Variants in CLSTN2 observed in about 807,000 individuals in gnomAD.
CLSTN2 encodes the protein calsyntenin 2.
Under a neutral mutation model 101.2 loss-of-function variants are expected in CLSTN2, and 48 were observed. The ratio of observed to expected loss-of-function variants is 0.47; its 90% CI spans 0.38 to 0.60. CLSTN2 has a LOEUF of 0.60. Among genes scored for constraint, CLSTN2 ranks in the 20% least tolerant of loss-of-function variants. The probability of loss-of-function intolerance (pLI) is 0.00; values close to 1 mark genes in which losing one functional copy is unlikely to be tolerated. For missense variants in CLSTN2, 1,160 were observed against 1,238.2 expected (o/e 0.94, Z 0.95); for synonymous variants, 481 against 463.6 (o/e 1.04, Z -0.48).
Position 140,387,494 on chromosome 3 carries a change from G to T in CLSTN2, c.233-16135G>T, listed in dbSNP as rs111718181. On this transcript the variant is annotated intron_variant, in intron 2 of 16. Transcript: ENST00000458420. ...TGCGATAAATTGCAAAAGCCTGCTT[G>T]TTAATAGTGTTTGTTGTTCCTCCTT... is the stretch of plus-strand genomic sequence containing the variant. Among the ~76,000 whole-genome samples, 140 of 152,320 alleles carry T rather than the reference G, an allele frequency of 9.2e-4. 1 individual carries two copies. The highest frequency in any genetic ancestry group is 3.2e-3 in the African/African-American group (132 of 41,568).
chr3:140,004,134 A>T (rs2006908238), intron 1 of CLSTN2, among the ~76,000 whole-genome samples: 1 of 152,220 alleles, frequency 6.6e-6, no homozygotes, highest in Non-Finnish European at 1.5e-5. Context: ...TTTATACATC[A>T]AGCAATGCCC....
intron 5 of CLSTN2, among the ~76,000 whole-genome samples, chr3:140,447,992 G>T (rs937089217): frequency 2.6e-5 from 4 of 152,078 alleles, no homozygotes; most frequent in Admixed American, 6.6e-5. Flanking sequence ...TAACAAACCT[G>T]CACATGTACA....
At position 140,077,710 on chromosome 3, in the gene CLSTN2, A is replaced by G. The variant is rs1002669623; in HGVS notation, c.110-98241A>G. On this transcript the variant is annotated intron_variant, in intron 1 of 16. Transcript: ENST00000458420. ...GGGGAGGAAAAAAAAAAAACCTCAA[A>G]CCTTATAGTTTGAAAATACTCAAAC... 5.3e-5 allele frequency among the ~76,000 whole-genome samples: 8 copies of G among 151,932 alleles called. No individual in the cohort carries two copies. The South Asian group carries it at 1.0e-3, about 20-fold the overall frequency.
At position 140,054,958 on chromosome 3, in the gene CLSTN2, C is replaced by A. The variant is rs7621423; in HGVS notation, c.109+119475C>A. ...GATTTCCACCCAACTTCTCAGAAAC[C>A]TGACTATTTATGGAATACACCTGGG... On this transcript the variant is annotated intron_variant, in intron 1 of 16. Coordinates refer to ENST00000458420, the MANE Select transcript of CLSTN2 (RefSeq NM_022131.3). Among the ~76,000 whole-genome samples, 623 of 152,266 alleles carry A rather than the reference C, an allele frequency of 4.1e-3. 4 individuals are homozygous for A. Among genetic ancestry groups the A allele is most frequent in the African/African-American group, 0.014 (599 of 41,562 alleles).
At chr3:140,517,034 C>A (rs1934931969) in intron 8 of CLSTN2, among the ~76,000 whole-genome samples, 1 of 152,026 alleles carries the variant, frequency 6.6e-6, no homozygotes, top group African/African-American at 2.4e-5. Context: ...AAAATTCTTT[C>A]TTCTTTGACT....
At chr3:140,450,525 C>T (rs1361560141) in intron 6 of CLSTN2, among the ~76,000 whole-genome samples, 2 of 152,208 alleles carry the variant, frequency 1.3e-5, no homozygotes, top group South Asian at 2.1e-4. Flanking sequence ...TCACACTGGA[C>T]TCTCCAGCCA....
Position 140,564,060 on chromosome 3 carries a change from ACTTCATC to A in CLSTN2, c.2584_2590del (p.Phe862ArgfsTer18). Reference sequence around the variant, plus strand: ...TACCGGGTCCGGATCGCCCACCAGCACTTCATCCAGGAGACTGAGGCTGCCAAGGAAT... The same window carrying A: ...TACCGGGTCCGGATCGCCCACCAGCACAGGAGACTGAGGCTGCCAAGGAAT... On this transcript the variant is annotated frameshift_variant, in exon 16 of 17. Transcript: ENST00000458420. LOFTEE classifies it high-confidence loss of function. The A allele has an allele frequency of 6.2e-7, 1 of 1,614,092 alleles. No homozygotes were observed. Among genetic ancestry groups the A allele is most frequent in the Non-Finnish European group, 8.5e-7 (1 of 1,180,014 alleles).
intron 2 of CLSTN2, among the ~76,000 whole-genome samples, chr3:140,195,538 G>C (rs370848203): frequency 2.0e-5 from 3 of 152,024 alleles, no homozygotes; most frequent in African/African-American, 7.2e-5. Context: ...TAAAAGAATG[G>C]TTATGAGAAA....
chr3:140,141,461 G>T (rs879597812), intron 1 of CLSTN2, among the ~76,000 whole-genome samples: 4 of 152,196 alleles, frequency 2.6e-5, no homozygotes, highest in Non-Finnish European at 4.4e-5. Flanking sequence ...AGGAAGGATG[G>T]CAATGGCTGT....
chr3:140,029,031 G>T, intron 1 of CLSTN2, among the ~76,000 whole-genome samples: 1 of 152,204 alleles, frequency 6.6e-6, no homozygotes, highest in Non-Finnish European at 1.5e-5. Context: ...GCATGGAGTA[G>T]GTTATGCAGA....
At chr3:140,500,384 AG>A (rs1435948641) in intron 8 of CLSTN2, among the ~76,000 whole-genome samples, 1 of 152,194 alleles carries the variant, frequency 6.6e-6, no homozygotes, top group Non-Finnish European at 1.5e-5. Flanking sequence ...AATATCTGTG[AG>A]GGAAGGACAA....
chr3:140,201,900 G>A (rs75519418), intron 2 of CLSTN2, among the ~76,000 whole-genome samples: 2,035 of 152,250 alleles, frequency 0.013, 113 homozygotes, highest in Admixed American at 0.1. Context: ...ACACAGAAGA[G>A]GAGGAAAGGG....
chr3:140,064,796 T>C (rs560151552), intron 1 of CLSTN2, among the ~76,000 whole-genome samples: 1 of 152,178 alleles, frequency 6.6e-6, no homozygotes, highest in Non-Finnish European at 1.5e-5. Context: ...AAGAAACCAG[T>C]AGACATTCTT....
intron 1 of CLSTN2, among the ~76,000 whole-genome samples, chr3:140,113,142 C>T (rs2009182798): frequency 6.6e-6 from 1 of 152,178 alleles, no homozygotes; most frequent in Non-Finnish European, 1.5e-5. Context: ...TGGAATTTTA[C>T]ACCATGGAAA....
intron 5 of CLSTN2, among the ~76,000 whole-genome samples, chr3:140,443,820 G>C (rs560560880): frequency 6.6e-6 from 1 of 152,158 alleles, no homozygotes; most frequent in Non-Finnish European, 1.5e-5. Context: ...AAGCCCACGA[G>C]GGGATATAAT....
At position 140,081,171 on chromosome 3, in the gene CLSTN2, G is replaced by A. The variant is rs77962248; in HGVS notation, c.110-94780G>A. 1.7e-3 allele frequency among the ~76,000 whole-genome samples: 262 copies of A among 152,262 alleles called. 1 individual carries two copies. Among genetic ancestry groups the A allele is most frequent in the African/African-American group, 6.1e-3 (253 of 41,546 alleles). ...TCTCTGCAAGAAAACAGATATTCACGGGGGAAATTTTGAACAATAGTGGAA... is the reference window on the plus strand; with the variant it reads ...TCTCTGCAAGAAAACAGATATTCACAGGGGAAATTTTGAACAATAGTGGAA... On this transcript the variant is annotated intron_variant, in intron 1 of 16. Coordinates refer to ENST00000458420, the MANE Select transcript of CLSTN2 (RefSeq NM_022131.3).
intron 2 of CLSTN2, among the ~76,000 whole-genome samples, chr3:140,179,758 G>T (rs2010380904): frequency 6.7e-6 from 1 of 148,224 alleles, no homozygotes; most frequent in South Asian, 2.1e-4. Context: ...ATGACTACAT[G>T]ATTTCCTATT....
At chr3:140,519,277 T>G (rs529633515) in intron 8 of CLSTN2, among the ~76,000 whole-genome samples, 1 of 152,358 alleles carries the variant, frequency 6.6e-6, no homozygotes, top group African/African-American at 2.4e-5. Context: ...GGAAGTGCCA[T>G]GTGGCAATGA....
chr3:140,088,672 C>T (rs887095139), intron 1 of CLSTN2, among the ~76,000 whole-genome samples: 8 of 152,218 alleles, frequency 5.3e-5, no homozygotes. Context: ...CTCCATGTCA[C>T]TGAGGTTCCT....
Sources: gnomAD v4.1 joint callset for allele counts (sites outside exome capture counted in the v4.1 genomes callset) on GRCh38, gnomAD v4.1.1 for gene constraint, MANE v1.5 for transcripts, NCBI Gene and HGNC (gene_info 2026-07-23, HGNC 2026-07-21) for gene names.